Variants in NUP35 observed in about 807,000 individuals in gnomAD.
The protein encoded by NUP35 is nucleoporin 35.
A neutral mutation model predicts 41.5 loss-of-function variants in NUP35; 25 were observed. The ratio of observed to expected loss-of-function variants is 0.60; its 90% CI spans 0.44 to 0.84. The LOEUF (loss-of-function observed/expected upper bound fraction) is 0.84. Among genes scored for constraint, NUP35 ranks in the 40% least tolerant of loss-of-function variants. The pLI, the probability that NUP35 is intolerant of heterozygous loss-of-function variation, is 0.00. For missense variants in NUP35, 396 were observed against 396.6 expected, an observed-to-expected ratio of 1.00 and a Z score of 0.01; for synonymous variants, 149 against 130.7, an observed-to-expected ratio of 1.14 and a Z score of -0.96.
chr2:183,143,029 G>A (rs543997952), intron 4 of NUP35, among the ~76,000 whole-genome samples: 5 of 151,500 alleles, frequency 3.3e-5, no homozygotes, highest in East Asian at 3.9e-4. Flanking sequence ...GGTTGCAGGC[G>A]CCTGTAGTCC....
chr2:183,132,399 CAA>C, intron 3 of NUP35, among the ~76,000 whole-genome samples: 1 of 141,048 alleles, frequency 7.1e-6, no homozygotes, highest in African/African-American at 2.6e-5. Context: ...ACTGAAAATA[CAA>C]AAAAAAAAAG....
intron 4 of NUP35, among the ~76,000 whole-genome samples, chr2:183,145,746 CAT>C (rs1685256018): frequency 6.6e-6 from 1 of 152,116 alleles, no homozygotes; most frequent in Non-Finnish European, 1.5e-5. Flanking sequence ...GTTAGTAATA[CAT>C]AACTTCAATT....
intron 5 of NUP35, 45 bp downstream of exon 5, chr2:183,151,694 A>G (rs1378144030): frequency 1.9e-6 from 3 of 1,560,800 alleles, no homozygotes; most frequent in African/African-American, 1.4e-5. Context: ...CCACCCTAAC[A>G]TTTTATAATG....
upstream of NUP35, among the ~76,000 whole-genome samples, chr2:183,119,602 G>A (rs1042393668): frequency 6.6e-6 from 1 of 152,158 alleles, no homozygotes; most frequent in Non-Finnish European, 1.5e-5. Flanking sequence ...GTTCACAAGA[G>A]AATGAGGGTT....
intron 4 of NUP35, among the ~76,000 whole-genome samples, chr2:183,136,045 CTG>C (rs749183897): frequency 1.4e-4 from 21 of 152,212 alleles, no homozygotes; most frequent in Admixed American, 2.6e-4. Context: ...TTGAGGCAGT[CTG>C]TGAGCACTCA....
At position 183,159,637 on chromosome 2, in the gene NUP35, T is replaced by C; in HGVS notation, c.888T>C (p.Ser296=). Residue 296 remains serine (S), a synonymous_variant, in exon 8 of 9, where the codon TCT becomes TCC. Transcript: ENST00000295119. ...MRPLATAYKA[S]TSDYQVISDR... is the part of the protein sequence containing the mutation. The stretch of plus-strand genomic sequence containing the variant: ...CTCTTGCTACAGCATACAAAGCCTC[T>C]ACTAGTGATTATCAGGTATTTTAAG... The C allele has an allele frequency of 6.2e-7, 1 of 1,612,032 alleles. No homozygotes were observed. Among genetic ancestry groups the C allele is most frequent in the Non-Finnish European group, 8.5e-7 (1 of 1,178,932 alleles).
At position 183,133,774 on chromosome 2, in the gene NUP35, T is replaced by C. The variant is rs1165159356; in HGVS notation, c.397+151T>C. 4 of 518,900 alleles carry C rather than the reference T, an allele frequency of 7.7e-6. No individual in the cohort carries two copies. In the African/African-American group the frequency reaches 8.0e-5, roughly 10 times the overall value. The allele number at this position is 518,900 out of a possible 1,614,324, so 32.1% of individuals were successfully genotyped here. A position where few individuals can be genotyped will look rare whatever the true frequency, so the allele number is the denominator to read the frequency against. ...GAATGAATTTAATATAAAATGTTTG[T>C]TGGTAACTGCCAAAATTTTTTATTT... On this transcript the variant is annotated intron_variant, in intron 4 of 8. Coordinates refer to ENST00000295119, the MANE Select transcript of NUP35 (RefSeq NM_138285.5).
intron 3 of NUP35, among the ~76,000 whole-genome samples, 179 bp downstream of exon 3, chr2:183,130,724 C>T (rs957270703): frequency 6.6e-6 from 1 of 152,150 alleles, no homozygotes; most frequent in Non-Finnish European, 1.5e-5. Context: ...ATGAACTGTA[C>T]TTAACAGTGT....
chr2:183,155,735 A>C (rs943277965), intron 5 of NUP35, among the ~76,000 whole-genome samples: 1 of 152,074 alleles, frequency 6.6e-6, no homozygotes, highest in African/African-American at 2.4e-5. Context: ...GCTTGGCTGC[A>C]TGTTTTTGAA....
intron 3 of NUP35, among the ~76,000 whole-genome samples, chr2:183,131,548 T>C (rs985198339): frequency 2.0e-5 from 3 of 152,196 alleles, no homozygotes; most frequent in African/African-American, 7.2e-5. Context: ...TCATTCACTG[T>C]GGTAAACAGA....
At chr2:183,144,059 C>A (rs1441293883) in intron 4 of NUP35, among the ~76,000 whole-genome samples, 1 of 152,202 alleles carries the variant, frequency 6.6e-6, no homozygotes, top group Non-Finnish European at 1.5e-5. Flanking sequence ...TAGAAAGACT[C>A]ACAACCTCAC....
intron 4 of NUP35, among the ~76,000 whole-genome samples, chr2:183,146,495 A>G (rs1375115959): frequency 3.3e-5 from 5 of 152,308 alleles, no homozygotes; most frequent in East Asian, 1.9e-4. Flanking sequence ...GAGTTCTACA[A>G]ATCTCCAAAC....
intron 4 of NUP35, among the ~76,000 whole-genome samples, chr2:183,135,692 A>G (rs1328303338): frequency 6.6e-6 from 1 of 152,128 alleles, no homozygotes; most frequent in Non-Finnish European, 1.5e-5. Context: ...AACATAAGAA[A>G]CAATAGCAAG....
At chr2:183,158,133 C>T (rs922616853) in intron 6 of NUP35, 150 bp from the exon 7 acceptor site, 47 of 494,658 alleles carry the variant, frequency 9.5e-5, no homozygotes, top group Non-Finnish European at 1.5e-4. Context: ...GTTCTAAATA[C>T]GATTTTTGTT....
At chr2:183,128,521 C>G in intron 2 of NUP35, 64 bp downstream of exon 2, 1 of 1,200,306 alleles carries the variant, frequency 8.3e-7, no homozygotes, top group Non-Finnish European at 1.2e-6. Context: ...AATTTTTTGG[C>G]TTCCCTGAAC....
At chr2:183,142,506 G>A (rs1320422117) in intron 4 of NUP35, among the ~76,000 whole-genome samples, 1 of 151,632 alleles carries the variant, frequency 6.6e-6, no homozygotes, top group Non-Finnish European at 1.5e-5. Flanking sequence ...TTTTGAGATG[G>A]AGTTTTGCTT....
chr2:183,130,387 CTTTTTTT>C (rs34173657), intron 2 of NUP35, 24 bp from the exon 3 acceptor site: 115 of 1,272,822 alleles, frequency 9.0e-5, no homozygotes, highest in South Asian at 2.6e-4. Flanking sequence ...AGAAGAATCC[CTTTTTTT>C]TTTTTTTTTT....
At chr2:183,133,501 C>A (rs1199337285) in intron 3 of NUP35, 65 bp from the exon 4 acceptor site, 15 of 1,275,932 alleles carry the variant, frequency 1.2e-5, no homozygotes, top group Non-Finnish European at 1.6e-5. Context: ...TTGAATGAAG[C>A]CTTTTAACAC....
chr2:183,137,789 G>GAA (rs35751374), intron 4 of NUP35, among the ~76,000 whole-genome samples: 1 of 139,766 alleles, frequency 7.2e-6, no homozygotes, highest in African/African-American at 2.6e-5. Flanking sequence ...AGACCTCAAA[G>GAA]AAAAAAAAAA....
Sources: allele counts gnomAD v4.1 joint callset (sites outside exome capture counted in the v4.1 genomes callset), GRCh38; gene constraint gnomAD v4.1.1; transcripts MANE v1.5; gene names NCBI Gene and HGNC (gene_info 2026-07-23, HGNC 2026-07-21).